C5orf34: variants seen among roughly 807,000 people sequenced by gnomAD.
C5orf34 encodes chromosome 5 open reading frame 34, also known as uncharacterized protein C5orf34.
In C5orf34, 73 loss-of-function variants were observed where a neutral mutation model predicts 78.4. The observed-to-expected ratio is 0.93, with a 90% CI of 0.77 to 1.13. The LOEUF (loss-of-function observed/expected upper bound fraction) is 1.13. C5orf34 is among the 50% of genes most tolerant of loss of function. The pLI is 0.00. For synonymous variants in C5orf34, 251 were observed against 246.6 expected (o/e 1.02, Z -0.17); for missense variants, 730 against 732.7 (o/e 1.00, Z 0.04).
chr5:43,496,352 C>A (rs898638488), intron 6 of C5orf34: 2 of 1,590,684 alleles, frequency 1.3e-6, no homozygotes, highest in Non-Finnish European at 1.7e-6. Flanking sequence ...GTTCTTTTGT[C>A]GATGCCACCA....
In C5orf34 at chr5:43,506,207, G is replaced by C; in HGVS notation, c.473C>G (p.Ser158Cys). The change falls in exon 4 of 13, where the codon TCT becomes TGT. Residue 158 changes from serine (S) to cysteine (C), a missense_variant. Physicochemically the swap from Ser to Cys is moderately radical, Grantham distance 112 (BLOSUM62 -1). Transcript: ENST00000306862. ...ATTATTTGTTTCTGACAACACTGCA[G>C]ATGAGTCTGACTTCTGGCTAACTTT... ...LCKVSQKSDS[S>C]AVLSETNNKA... is the part of the protein sequence containing the mutation. The C allele has an allele frequency of 6.2e-7, 1 of 1,614,164 alleles. No individual in the cohort carries two copies. Among genetic ancestry groups the C allele is most frequent in the Non-Finnish European group, 8.5e-7 (1 of 1,180,018 alleles).
chr5:43,492,549 A>G (rs1484883070), intron 9 of C5orf34, among the ~76,000 whole-genome samples, 171 bp downstream of exon 9: 1 of 152,222 alleles, frequency 6.6e-6, no homozygotes, highest in Non-Finnish European at 1.5e-5. Flanking sequence ...AAAAGTGACT[A>G]TTTGTCAAAT....
rs188469719 is a variant in C5orf34, at chr5:43,508,496, A to G, written c.285+81T>C. ...TATCCCCAGGTGTCCTGAAAAGGAAAAAAAGGCTAAATATTAAATTACCTG... is the reference window on the plus strand; with the variant it reads ...TATCCCCAGGTGTCCTGAAAAGGAAGAAAAGGCTAAATATTAAATTACCTG... On this transcript the variant is annotated intron_variant, in intron 3 of 12. Coordinates refer to ENST00000306862, the MANE Select transcript of C5orf34 (RefSeq NM_198566.4). The G allele has an allele frequency of 7.6e-4, 655 of 857,996 alleles. 17 individuals carry two copies. The Admixed American group carries it at 0.014, about 19-fold the overall frequency. The allele number at this position is 857,996 out of a possible 1,614,324, so 53.1% of individuals were successfully genotyped here.
intron 6 of C5orf34, chr5:43,495,044 AG>A: frequency 7.0e-7 from 1 of 1,434,650 alleles, no homozygotes; most frequent in South Asian, 1.1e-5. Context: ...ACTGATTAAG[AG>A]TTGGGTGGCA....
At position 43,511,597 on chromosome 5, in the gene C5orf34, A is replaced by G. The variant is rs937842365; in HGVS notation, c.-36-2222T>C. On this transcript the variant is annotated intron_variant, in intron 1 of 12. Coordinates refer to ENST00000306862, the MANE Select transcript of C5orf34 (RefSeq NM_198566.4). ...GTTTTGTCAAATAGAAAAAGGGGAA[A>G]TGTGGGGAAAAGATAGAGAAATCAG... Among the ~76,000 whole-genome samples the G allele has an allele frequency of 3.0e-4, 45 of 152,362 alleles. 1 individual carries two copies. Among genetic ancestry groups the G allele is most frequent in the African/African-American group, 1.1e-3 (45 of 41,594 alleles).
At chr5:43,505,577 T>TA (rs1745944557) in intron 4 of C5orf34, 171 bp downstream of exon 4, 2 of 603,658 alleles carry the variant, frequency 3.3e-6, no homozygotes, top group Middle Eastern at 9.0e-4. Context: ...GGACACAGAG[T>TA]AAAAAACATA....
intron 5 of C5orf34, among the ~76,000 whole-genome samples, 179 bp from the exon 6 acceptor site, chr5:43,502,674 C>A (rs548675850): frequency 6.6e-6 from 1 of 152,142 alleles, no homozygotes; most frequent in Non-Finnish European, 1.5e-5. Flanking sequence ...AACTCTTTCA[C>A]GAAAAGATAA....
chr5:43,494,665 C>T (rs2112280796), intron 6 of C5orf34, 64 bp from the exon 7 acceptor site: 3 of 856,850 alleles, frequency 3.5e-6, no homozygotes, highest in Non-Finnish European at 5.6e-6. Flanking sequence ...TACTTAGCTG[C>T]TTTTCCTTGA....
At chr5:43,496,339 A>G (rs2112286963) in intron 6 of C5orf34, 13 of 1,589,410 alleles carry the variant, frequency 8.2e-6, no homozygotes, top group African/African-American at 4.0e-5. Context: ...AAATTTTTCA[A>G]TGGTTCTTTT....
intron 1 of C5orf34, 66 bp from the exon 2 acceptor site, chr5:43,509,441 A>C: frequency 1.2e-6 from 1 of 856,456 alleles, no homozygotes; most frequent in South Asian, 2.1e-5. Flanking sequence ...TTATCAAAAT[A>C]AGTGCGTGCA....
chr5:43,487,795 A>T, intron 12 of C5orf34, 114 bp downstream of exon 12: 1 of 753,422 alleles, frequency 1.3e-6, no homozygotes, highest in Non-Finnish European at 2.2e-6. Flanking sequence ...GACTCAATAA[A>T]GGTTAGCAAT....
chr5:43,513,200 T>C (rs1383122443), intron 1 of C5orf34, among the ~76,000 whole-genome samples: 1 of 152,162 alleles, frequency 6.6e-6, no homozygotes, highest in Non-Finnish European at 1.5e-5. Context: ...ACATGGTCTC[T>C]CCTGAGGAGA....
intron 1 of C5orf34, among the ~76,000 whole-genome samples, chr5:43,512,780 TTTTTTTTTTTTTTTTTTTTTTG>T (rs1307472166): frequency 2.1e-4 from 9 of 43,894 alleles, no homozygotes; most frequent in South Asian, 1.2e-3. Context: ...TTTTTTTTTT[TTTTTTTTTTTTTTTTTTTTTTG>T]AGACAGAGTC....
chr5:43,512,718 T>C (rs1746322123), intron 1 of C5orf34, among the ~76,000 whole-genome samples: 1 of 151,446 alleles, frequency 6.6e-6, no homozygotes, highest in Non-Finnish European at 1.5e-5. Flanking sequence ...ATTTCATCCC[T>C]TCTTAACATA....
chr5:43,500,779 C>T (rs915965874), intron 6 of C5orf34, among the ~76,000 whole-genome samples: 4 of 152,332 alleles, frequency 2.6e-5, no homozygotes, highest in Admixed American at 1.3e-4. Context: ...CTGTATTCTA[C>T]TTAACAAGGC....
At chr5:43,498,566 T>C (rs1745637755) in intron 6 of C5orf34, among the ~76,000 whole-genome samples, 1 of 152,212 alleles carries the variant, frequency 6.6e-6, no homozygotes, top group African/African-American at 2.4e-5. Context: ...TGATTAATAA[T>C]TTGGCATCCC....
intron 10 of C5orf34, among the ~76,000 whole-genome samples, chr5:43,491,726 G>C (rs927465233): frequency 6.6e-6 from 1 of 152,124 alleles, no homozygotes; most frequent in Non-Finnish European, 1.5e-5. Flanking sequence ...CCTGAAGGCC[G>C]GGCATGGTGG....
intron 7 of C5orf34, 78 bp from the exon 8 acceptor site, chr5:43,493,690 C>A (rs974747779): frequency 1.4e-5 from 11 of 768,114 alleles, no homozygotes; most frequent in African/African-American, 1.4e-4. Flanking sequence ...CACTGCCATA[C>A]AACATTTTAG....
In C5orf34 at chr5:43,514,637, C is replaced by G. The variant is rs73102521; in HGVS notation, c.-37+169G>C. Among the ~76,000 whole-genome samples the G allele has an allele frequency of 1.4e-3, 208 of 152,312 alleles. 1 individual carries two copies. The highest frequency in any genetic ancestry group is 4.9e-3 in the African/African-American group (203 of 41,560). ...CCATTCTCATCTCTACAGTCTCATT[C>G]CCGCTTGCGTTCTCATCACCCAGCA... On this transcript the variant is annotated intron_variant, in intron 1 of 12. Transcript: ENST00000306862.
Sources: allele counts gnomAD v4.1 joint callset (sites outside exome capture counted in the v4.1 genomes callset), GRCh38; gene constraint gnomAD v4.1.1; transcripts MANE v1.5; gene names NCBI Gene and HGNC (gene_info 2026-07-23, HGNC 2026-07-21).